SLIT3: variants seen among roughly 807,000 people sequenced by gnomAD.
SLIT3 encodes slit guidance ligand 3.
A neutral mutation model predicts 184.0 loss-of-function variants in SLIT3; 68 were observed. That is an observed-to-expected ratio of 0.37 (90% confidence interval 0.30 to 0.45). The LOEUF is 0.45. Among genes scored for constraint, SLIT3 ranks in the 20% least tolerant of loss-of-function variants. The probability of loss-of-function intolerance (pLI) is 1.00; values close to 1 mark genes in which losing one functional copy is unlikely to be tolerated. For synonymous variants in SLIT3, 831 were observed against 828.6 expected (o/e 1.00, Z -0.05); for missense variants, 1,707 against 2,026.0 (o/e 0.84, Z 3.02).
intron 25 of SLIT3, among the ~76,000 whole-genome samples, chr5:168,710,382 T>C (rs1193734684): frequency 6.6e-6 from 1 of 152,236 alleles, no homozygotes; most frequent in African/African-American, 2.4e-5. Flanking sequence ...ATATGATCAA[T>C]AAAAAAATCA....
intron 4 of SLIT3, among the ~76,000 whole-genome samples, chr5:169,155,190 T>C (rs1317550273): frequency 6.6e-6 from 1 of 152,206 alleles, no homozygotes; most frequent in East Asian, 1.9e-4. Flanking sequence ...GGGACCAATT[T>C]GCCAAGCACA....
At chr5:169,232,631 G>A (rs1215273815) in intron 3 of SLIT3, among the ~76,000 whole-genome samples, 2 of 152,154 alleles carry the variant, frequency 1.3e-5, no homozygotes, top group East Asian at 3.9e-4. Context: ...TTTCCATATG[G>A]TTACCCAATT....
intron 33 of SLIT3, among the ~76,000 whole-genome samples, chr5:168,672,397 CA>C (rs1278956725): frequency 6.6e-6 from 1 of 152,174 alleles, no homozygotes; most frequent in East Asian, 1.9e-4. Flanking sequence ...GCTTTTTTTA[CA>C]CTTAACCCCT....
chr5:169,291,060 A>G (rs1482880254), intron 1 of SLIT3, among the ~76,000 whole-genome samples: 1 of 152,156 alleles, frequency 6.6e-6, no homozygotes, highest in African/African-American at 2.4e-5. Context: ...GTCAGGAACC[A>G]GATTGGCAGT....
At chr5:169,233,631 C>T (rs80350627) in intron 3 of SLIT3, among the ~76,000 whole-genome samples, 365 of 152,112 alleles carry the variant, frequency 2.4e-3, no homozygotes, top group Non-Finnish European at 4.0e-3. Context: ...ACACGTACCC[C>T]GGAACTTAAA....
intron 3 of SLIT3, among the ~76,000 whole-genome samples, chr5:169,202,726 G>C (rs769550367): frequency 6.6e-6 from 1 of 152,010 alleles, no homozygotes; most frequent in Non-Finnish European, 1.5e-5. Context: ...GCTTGGTCAG[G>C]ATCACATCCT....
chr5:168,711,587 C>T (rs78191083), intron 24 of SLIT3, among the ~76,000 whole-genome samples: 9 of 151,808 alleles, frequency 5.9e-5, no homozygotes, highest in East Asian at 1.9e-4. Context: ...AATATGCATA[C>T]GTAGTATATC....
intron 3 of SLIT3, among the ~76,000 whole-genome samples, chr5:169,217,934 A>G (rs1193258807): frequency 1.3e-5 from 2 of 152,226 alleles, no homozygotes; most frequent in Non-Finnish European, 2.9e-5. Context: ...TGAGGAAGAA[A>G]TGGGTGAGGT....
intron 1 of SLIT3, among the ~76,000 whole-genome samples, chr5:169,297,008 T>C (rs1212001647): frequency 3.3e-5 from 5 of 152,228 alleles, no homozygotes; most frequent in African/African-American, 1.2e-4. Flanking sequence ...CAGGCTGAGA[T>C]TGTGGTTGGA....
intron 4 of SLIT3, among the ~76,000 whole-genome samples, chr5:169,092,875 G>T (rs765175441): frequency 2.0e-4 from 30 of 152,148 alleles, no homozygotes; most frequent in Non-Finnish European, 4.0e-4. Flanking sequence ...ACATCAATTT[G>T]CCATCTACAT....
At chr5:168,669,566 G>A (rs943440457) in intron 35 of SLIT3, among the ~76,000 whole-genome samples, 2 of 152,210 alleles carry the variant, frequency 1.3e-5, no homozygotes, top group Non-Finnish European at 2.9e-5. Context: ...AACTGCTATG[G>A]TTTGGGGCTA....
chr5:168,818,390 C>A (rs62378504), intron 7 of SLIT3, among the ~76,000 whole-genome samples: 3 of 152,132 alleles, frequency 2.0e-5, no homozygotes, highest in Non-Finnish European at 2.9e-5. Context: ...CTTTCCACTA[C>A]CAGGGAGGCA....
intron 6 of SLIT3, among the ~76,000 whole-genome samples, chr5:168,830,972 C>T (rs759231917): frequency 8.5e-5 from 13 of 152,296 alleles, no homozygotes; most frequent in Non-Finnish European, 1.2e-4. Flanking sequence ...GCTGAGGCTG[C>T]TCCAAGGCAA....
intron 16 of SLIT3, among the ~76,000 whole-genome samples, chr5:168,754,551 G>A (rs920485850): frequency 1.3e-5 from 2 of 152,168 alleles, no homozygotes; most frequent in Non-Finnish European, 2.9e-5. Context: ...TCTAGTGTTA[G>A]ATAGGGTGAC....
rs1290817565 is a variant in SLIT3, at chr5:169,290,175, G to A, written c.197+10338C>T. Among the ~76,000 whole-genome samples the A allele has an allele frequency of 4.0e-5, 6 of 151,716 alleles. No homozygotes were observed. In the South Asian group the frequency reaches 1.3e-3, roughly 32 times the overall value. Reference sequence around the variant, plus strand: ...GAAATATGCTAGGGCACATGCTAGGGCATATGCTAGGGTGTGCACTAGGAC... The same window carrying A: ...GAAATATGCTAGGGCACATGCTAGGACATATGCTAGGGTGTGCACTAGGAC... On this transcript the variant is annotated intron_variant, in intron 1 of 35. Transcript: ENST00000519560.
At chr5:168,814,381 A>G (rs996848975) in intron 8 of SLIT3, among the ~76,000 whole-genome samples, 1 of 149,226 alleles carries the variant, frequency 6.7e-6, no homozygotes, top group Non-Finnish European at 1.5e-5. Flanking sequence ...GGGTAACAAG[A>G]ATGAAACTGT....
chr5:169,279,647 T>C (rs964216972), intron 1 of SLIT3, among the ~76,000 whole-genome samples: 2 of 152,202 alleles, frequency 1.3e-5, no homozygotes, highest in African/African-American at 4.8e-5. Context: ...AAGGATATCA[T>C]ACATTTCATA....
chr5:168,760,058 C>T (rs1755091184), intron 16 of SLIT3, among the ~76,000 whole-genome samples: 1 of 152,156 alleles, frequency 6.6e-6, no homozygotes, highest in Non-Finnish European at 1.5e-5. Context: ...GCTCGGGGAC[C>T]CATTAGCTGT....
chr5:168,879,440 G>A (rs1382905827), intron 5 of SLIT3, among the ~76,000 whole-genome samples: 2 of 152,200 alleles, frequency 1.3e-5, no homozygotes, highest in African/African-American at 4.8e-5. Flanking sequence ...TTTAATTTGT[G>A]CTAAATGTCT....
Sources: gnomAD v4.1 joint callset for allele counts (sites outside exome capture counted in the v4.1 genomes callset) on GRCh38, gnomAD v4.1.1 for gene constraint, MANE v1.5 for transcripts, NCBI Gene and HGNC (gene_info 2026-07-23, HGNC 2026-07-21) for gene names.